Variants in ATP2B2 observed in about 807,000 individuals in gnomAD.
The protein encoded by ATP2B2 is plasma membrane calcium-transporting ATPase 2.
A neutral mutation model predicts 120.0 loss-of-function variants in ATP2B2; 15 were observed. The ratio of observed to expected loss-of-function variants is 0.12; its 90% CI spans 0.08 to 0.19. The LOEUF is 0.19. Ranked by LOEUF, ATP2B2 falls within the 10% of genes least tolerant of loss-of-function variation. The pLI, the probability that ATP2B2 is intolerant of heterozygous loss-of-function variation, is 1.00. For synonymous variants in ATP2B2, 694 were observed against 700.3 expected, an observed-to-expected ratio of 0.99 and a Z score of 0.14; for missense variants, 1,045 against 1,719.8, an observed-to-expected ratio of 0.61 and a Z score of 6.94.
intron 1 of ATP2B2, among the ~76,000 whole-genome samples, chr3:10,479,081 T>A (rs1425195316): frequency 1.5e-5 from 2 of 133,128 alleles, no homozygotes; most frequent in African/African-American, 5.5e-5. Context: ...TGTGAGTCAA[T>A]TAAACCTCTT....
At chr3:10,665,115 C>T (rs556214329) in intron 1 of ATP2B2, among the ~76,000 whole-genome samples, 36 of 152,286 alleles carry the variant, frequency 2.4e-4, no homozygotes, top group African/African-American at 8.2e-4. Flanking sequence ...AAAATTGATC[C>T]ATGTCACTGC....
At chr3:10,557,402 C>A (rs570033711) in intron 2 of ATP2B2, among the ~76,000 whole-genome samples, 4 of 152,354 alleles carry the variant, frequency 2.6e-5, no homozygotes, top group Admixed American at 2.6e-4. Context: ...GCTGCCTGGA[C>A]GAAGCTAGAT....
At position 10,343,004 on chromosome 3, in the gene ATP2B2, A is replaced by C. The variant is rs774663608; in HGVS notation, c.2704-39T>G. ...GGAGAGGGCTGTCACCTGTGCGCCC[A>C]CCTGCTGCTGTGAAGTGCTGGGCGG... On this transcript the variant is annotated intron_variant, in intron 18 of 22. Coordinates refer to ENST00000360273, the MANE Select transcript of ATP2B2 (RefSeq NM_001001331.4). This position sits in a 1 kb window ranked among gnomAD's most constrained non-coding sequence, Gnocchi z 4.2. 4 of 1,599,920 alleles carry C rather than the reference A, an allele frequency of 2.5e-6. No individual in the cohort carries two copies. Among genetic ancestry groups the C allele is most frequent in the Non-Finnish European group, 3.4e-6 (4 of 1,168,712 alleles).
intron 1 of ATP2B2, among the ~76,000 whole-genome samples, chr3:10,675,978 C>A (rs1276017195): frequency 6.6e-6 from 1 of 152,246 alleles, no homozygotes; most frequent in Non-Finnish European, 1.5e-5. Flanking sequence ...CAGTGCAAAG[C>A]TTTCCCTTTG....
chr3:10,419,907 C>G (rs933049466), intron 2 of ATP2B2, among the ~76,000 whole-genome samples: 33 of 152,302 alleles, frequency 2.2e-4, no homozygotes, highest in African/African-American at 7.5e-4. Context: ...TTGATCCCTG[C>G]GACAATGGGG....
At chr3:10,379,424 C>T (rs995414415) in intron 8 of ATP2B2, 140 bp from the exon 9 acceptor site, 8 of 979,682 alleles carry the variant, frequency 8.2e-6, no homozygotes, top group African/African-American at 3.2e-5. Context: ...TGTGGGGATA[C>T]GGGTTGGGGA....
At chr3:10,499,571 C>A (rs1396729604) in intron 1 of ATP2B2, among the ~76,000 whole-genome samples, 3 of 152,238 alleles carry the variant, frequency 2.0e-5, no homozygotes, top group Non-Finnish European at 4.4e-5. Context: ...GTCAGTGCTG[C>A]TGCCCCTATT....
intron 1 of ATP2B2, among the ~76,000 whole-genome samples, chr3:10,647,624 G>A (rs985702673): frequency 1.2e-4 from 18 of 152,176 alleles, no homozygotes; most frequent in African/African-American, 3.4e-4. Context: ...GAGGCAGGGG[G>A]CGAGCAGCCG....
intron 5 of ATP2B2, among the ~76,000 whole-genome samples, chr3:10,393,274 C>T (rs142702909): frequency 6.6e-6 from 1 of 152,260 alleles, no homozygotes; most frequent in East Asian, 1.9e-4. Flanking sequence ...AAGCTCAGCG[C>T]CCACGAAGGG....
intron 2 of ATP2B2, among the ~76,000 whole-genome samples, chr3:10,545,094 T>C (rs756264297): frequency 2.0e-5 from 3 of 152,228 alleles, no homozygotes; most frequent in Non-Finnish European, 4.4e-5. Flanking sequence ...GGGAGGAGTC[T>C]GAGAAACAAT....
chr3:10,442,177 A>AT (rs2063690286), intron 2 of ATP2B2, among the ~76,000 whole-genome samples: 1 of 152,108 alleles, frequency 6.6e-6, no homozygotes, highest in Non-Finnish European at 1.5e-5. Context: ...AGGCCTCTGC[A>AT]TGGTGGGTCT....
chr3:10,538,810 T>C (rs916021355), intron 2 of ATP2B2, among the ~76,000 whole-genome samples: 9 of 152,192 alleles, frequency 5.9e-5, no homozygotes, highest in Admixed American at 5.9e-4. Flanking sequence ...CTTTGAAAAC[T>C]GGCACAAGAC....
intron 2 of ATP2B2, among the ~76,000 whole-genome samples, chr3:10,415,230 A>G (rs1482171986): frequency 6.6e-6 from 1 of 152,200 alleles, no homozygotes; most frequent in African/African-American, 2.4e-5. Context: ...TGAGGCTTCA[A>G]CACGATGTCT....
At chr3:10,610,400 G>T (rs2069201093) in intron 2 of ATP2B2, among the ~76,000 whole-genome samples, 1 of 151,624 alleles carries the variant, frequency 6.6e-6, no homozygotes, top group East Asian at 1.9e-4. Flanking sequence ...AAATACACGT[G>T]TGCCCAGGCA....
At position 10,402,343 on chromosome 3, in the gene ATP2B2, C is replaced by G; in HGVS notation, c.403G>C (p.Ala135Pro). ...HPPGEGNEGCATAQGGAEDEG... is the reference protein window; with the variant it reads ...HPPGEGNEGCPTAQGGAEDEG... ...TCCTCTGCCCCACCCTGGGCCGTCG[C>G]ACATCCTGAAAGACCAGATAGAAGC... The change falls in exon 4 of 23, where the codon GCG (alanine) becomes CCG (proline). Residue 135 changes from alanine (A) to proline (P), a missense_variant. Ala to Pro is a conservative substitution (Grantham distance 27, BLOSUM62 -1). Coordinates refer to ENST00000360273, the MANE Select transcript of ATP2B2 (RefSeq NM_001001331.4). The surrounding 1 kb of genome is among the most constrained non-coding windows in gnomAD (Gnocchi z 4.9). The G allele has an allele frequency of 6.2e-7, 1 of 1,613,290 alleles. No homozygotes were observed.
At chr3:10,345,638 A>C (rs568425238) in intron 17 of ATP2B2, 63 bp from the exon 18 acceptor site, 320 of 1,482,440 alleles carry the variant, frequency 2.2e-4, no homozygotes, top group Non-Finnish European at 2.7e-4. Flanking sequence ...TTCTAGCATC[A>C]CCATCCTCAC....
intron 22 of ATP2B2, among the ~76,000 whole-genome samples, chr3:10,336,534 C>G (rs1366480852): frequency 6.6e-6 from 1 of 152,194 alleles, no homozygotes; most frequent in African/African-American, 2.4e-5. Flanking sequence ...GGCCTTTGTC[C>G]TGTGCTAGTG....
intron 22 of ATP2B2, among the ~76,000 whole-genome samples, chr3:10,334,438 G>A (rs928375364): frequency 1.3e-5 from 2 of 152,198 alleles, no homozygotes; most frequent in African/African-American, 4.8e-5. Flanking sequence ...GCAGAAAGGA[G>A]CTGGGAGGTC....
upstream of ATP2B2, among the ~76,000 whole-genome samples, chr3:10,508,806 G>A (rs1247771938): frequency 6.6e-6 from 1 of 152,210 alleles, no homozygotes; most frequent in Non-Finnish European, 1.5e-5. Context: ...GAAATGACAG[G>A]TCAGGGTCAG....
Sources: allele counts gnomAD v4.1 joint callset (sites outside exome capture counted in the v4.1 genomes callset), GRCh38; gene constraint gnomAD v4.1.1; non-coding constraint Gnocchi (gnomAD v3.1); transcripts MANE v1.5; gene names NCBI Gene and HGNC (gene_info 2026-07-23, HGNC 2026-07-21).